The following GAS2 variants were observed in gnomAD, a reference collection of about 807,000 sequenced individuals.
The protein encoded by GAS2 is growth arrest-specific protein 2.
Under a neutral mutation model 37.5 loss-of-function variants are expected in GAS2, and 20 were observed. The ratio of observed to expected loss-of-function variants is 0.53; its 90% CI spans 0.37 to 0.77. The LOEUF (loss-of-function observed/expected upper bound fraction) is 0.77, where lower values mean the gene tolerates loss of function less well. Ranked by LOEUF, GAS2 falls within the 30% of genes least tolerant of loss-of-function variation. GAS2 has a pLI of 0.00. For synonymous variants in GAS2, 144 were observed against 132.2 expected, an observed-to-expected ratio of 1.09 and a Z score of -0.61; for missense variants, 336 against 373.4, an observed-to-expected ratio of 0.90 and a Z score of 0.82.
intron 7 of GAS2, among the ~76,000 whole-genome samples, chr11:22,786,466 A>G (rs941525854): frequency 6.6e-6 from 1 of 152,196 alleles, no homozygotes; most frequent in Admixed American, 6.5e-5. Flanking sequence ...TTATTCATGC[A>G]GAAAGAACTT....
chr11:22,632,983 G>A (rs114208263), intron 1 of GAS2, among the ~76,000 whole-genome samples: 3 of 150,566 alleles, frequency 2.0e-5, no homozygotes, highest in East Asian at 3.9e-4. Flanking sequence ...ACATTTTATT[G>A]TGTTGTTTTT....
chr11:22,760,591 T>G (rs1316788985), intron 7 of GAS2, among the ~76,000 whole-genome samples: 2 of 152,226 alleles, frequency 1.3e-5, no homozygotes, highest in Non-Finnish European at 1.5e-5. Context: ...TTTTGAAGAC[T>G]TCTGTGTATT....
chr11:22,693,351 C>T (rs895682335), intron 3 of GAS2, among the ~76,000 whole-genome samples: 2 of 152,092 alleles, frequency 1.3e-5, no homozygotes. Flanking sequence ...TTGAAAAGAC[C>T]ACATCTGTAA....
At chr11:22,639,773 G>C (rs369623892) in intron 1 of GAS2, among the ~76,000 whole-genome samples, 5 of 152,064 alleles carry the variant, frequency 3.3e-5, no homozygotes, top group Non-Finnish European at 7.4e-5. Flanking sequence ...TTTTCAGTAG[G>C]CCATAATAGA....
At chr11:22,640,286 C>T (rs1457764241) in intron 1 of GAS2, among the ~76,000 whole-genome samples, 1 of 152,094 alleles carries the variant, frequency 6.6e-6, no homozygotes, top group Non-Finnish European at 1.5e-5. Flanking sequence ...ATAGATGTAA[C>T]AATGTATGTA....
chr11:22,649,795 G>T (rs1276068395), intron 1 of GAS2, among the ~76,000 whole-genome samples: 1 of 151,880 alleles, frequency 6.6e-6, no homozygotes, highest in East Asian at 1.9e-4. Flanking sequence ...GCGTCTATTT[G>T]ATTCTTCTCT....
chr11:22,796,356 T>A (rs1022798741), intron 7 of GAS2, among the ~76,000 whole-genome samples: 1 of 152,176 alleles, frequency 6.6e-6, no homozygotes, highest in Non-Finnish European at 1.5e-5. Context: ...ACAGCTGCCA[T>A]TTCAAGCTTT....
chr11:22,741,138 G>A (rs1412048347), intron 5 of GAS2, among the ~76,000 whole-genome samples: 3 of 152,186 alleles, frequency 2.0e-5, no homozygotes, highest in Admixed American at 6.5e-5. Flanking sequence ...TTTGCGAGCT[G>A]TGGGCTTCTC....
chr11:22,750,035 G>A (rs1853645085), intron 6 of GAS2, among the ~76,000 whole-genome samples: 1 of 152,002 alleles, frequency 6.6e-6, no homozygotes, highest in Non-Finnish European at 1.5e-5. Context: ...AATTAATAAA[G>A]GAGATAAATC....
Position 22,748,980 on chromosome 11 carries a change from A to C in GAS2, c.474-140A>C, listed in dbSNP as rs7106432. 3.6e-3 allele frequency: 3,034 copies of C among 841,952 alleles called. 72 individuals carry two copies. The African/African-American group carries it at 0.046, about 13-fold the overall frequency. The allele number at this position is 841,952 out of a possible 1,614,324, so 52.2% of individuals were successfully genotyped here. A position where few individuals can be genotyped will look rare whatever the true frequency, so the allele number is the denominator to read the frequency against. Reference sequence around the variant, plus strand: ...GAAGGATGCTAATTCAAGAGCTTACAATTTCAATGCCAGAAAAAAAGTGAA... The same window carrying C: ...GAAGGATGCTAATTCAAGAGCTTACCATTTCAATGCCAGAAAAAAAGTGAA... On this transcript the variant is annotated intron_variant, in intron 5 of 7. Coordinates refer to ENST00000454584, the MANE Select transcript of GAS2 (RefSeq NM_001143830.3).
At chr11:22,646,048 G>T (rs1166598643) in intron 1 of GAS2, among the ~76,000 whole-genome samples, 1 of 151,776 alleles carries the variant, frequency 6.6e-6, no homozygotes, top group Admixed American at 6.6e-5. Context: ...TCTCCATGTT[G>T]GTCAGGCTGG....
At chr11:22,659,419 A>G (rs1848891980) in intron 1 of GAS2, among the ~76,000 whole-genome samples, 1 of 152,204 alleles carries the variant, frequency 6.6e-6, no homozygotes, top group African/African-American at 2.4e-5. Flanking sequence ...TTAAAAAGAC[A>G]TCTTCCCTGA....
intron 7 of GAS2, among the ~76,000 whole-genome samples, chr11:22,787,217 G>A (rs888623060): frequency 2.0e-5 from 3 of 152,094 alleles, no homozygotes; most frequent in African/African-American, 7.2e-5. Context: ...CGTAAATCCA[G>A]GCTCTGTAGC....
intron 1 of GAS2, among the ~76,000 whole-genome samples, chr11:22,652,951 C>CTCTTTCTTTG (rs1848803638): frequency 8.6e-6 from 1 of 116,714 alleles, no homozygotes; most frequent in African/African-American, 3.1e-5. Context: ...CCTCCACAAC[C>CTCTTTCTTTG]TCTTTCTTTC....
intron 1 of GAS2, among the ~76,000 whole-genome samples, chr11:22,631,353 G>A (rs2133805246): frequency 1.3e-5 from 2 of 152,110 alleles, no homozygotes; most frequent in Middle Eastern, 3.4e-3. Context: ...GAGTGCTCTG[G>A]CTAGGACTTC....
intron 7 of GAS2, among the ~76,000 whole-genome samples, chr11:22,790,332 C>CACAT (rs1856084608): frequency 6.6e-6 from 1 of 152,188 alleles, no homozygotes. Flanking sequence ...GCACGTTGTG[C>CACAT]ACATGTACCC....
intron 5 of GAS2, among the ~76,000 whole-genome samples, chr11:22,746,639 G>C (rs1853417516): frequency 6.6e-6 from 1 of 152,210 alleles, no homozygotes; most frequent in East Asian, 1.9e-4. Flanking sequence ...TTATACATGA[G>C]AGCTAAACAC....
intron 1 of GAS2, among the ~76,000 whole-genome samples, chr11:22,670,949 A>T (rs1849175038): frequency 6.6e-6 from 1 of 152,186 alleles, no homozygotes; most frequent in African/African-American, 2.4e-5. Context: ...TTTCTCTAAC[A>T]TGTCAGCAAA....
intron 7 of GAS2, among the ~76,000 whole-genome samples, chr11:22,773,150 G>A (rs142486429): frequency 6.6e-6 from 1 of 152,060 alleles, no homozygotes; most frequent in Non-Finnish European, 1.5e-5. Context: ...TCTCCTCCTA[G>A]AGGCTGCAGT....
Sources: allele counts gnomAD v4.1 joint callset (sites outside exome capture counted in the v4.1 genomes callset), GRCh38; gene constraint gnomAD v4.1.1; transcripts MANE v1.5; gene names NCBI Gene and HGNC (gene_info 2026-07-23, HGNC 2026-07-21).